The following TMCC1 variants were observed in gnomAD, a reference collection of about 807,000 sequenced individuals.
The protein encoded by TMCC1 is transmembrane and coiled-coil domain family 1, also known as transmembrane and coiled-coil domains protein 1.
TMCC1 carries 15 observed loss-of-function variants against 52.4 expected under a neutral mutation model. The observed-to-expected ratio is 0.29, with a 90% CI of 0.19 to 0.44. TMCC1 has a LOEUF of 0.44. Among genes scored for constraint, TMCC1 ranks in the 20% least tolerant of loss-of-function variants. The probability of loss-of-function intolerance (pLI) is 1.00; values close to 1 mark genes in which losing one functional copy is unlikely to be tolerated. For missense variants in TMCC1, 503 were observed against 806.0 expected, an observed-to-expected ratio of 0.62 and a Z score of 4.55; for synonymous variants, 279 against 301.9, an observed-to-expected ratio of 0.92 and a Z score of 0.79.
chr3:129,692,452 T>C (rs2047091036), intron 4 of TMCC1, among the ~76,000 whole-genome samples: 1 of 152,216 alleles, frequency 6.6e-6, no homozygotes, highest in Non-Finnish European at 1.5e-5. Context: ...TAAACATAGT[T>C]TTAAGCTTAC....
intron 4 of TMCC1, among the ~76,000 whole-genome samples, chr3:129,759,871 G>A (rs1165254972): frequency 1.3e-5 from 2 of 150,556 alleles, no homozygotes; most frequent in Non-Finnish European, 3.0e-5. Flanking sequence ...ATAGGCGCCC[G>A]CCACCACGCC....
At chr3:129,810,817 T>C (rs2057765391) in intron 4 of TMCC1, among the ~76,000 whole-genome samples, 1 of 152,114 alleles carries the variant, frequency 6.6e-6, no homozygotes, top group South Asian at 2.1e-4. Flanking sequence ...TTATAGAAAA[T>C]AACAATTCTA....
chr3:129,717,747 T>C (rs1295485595), intron 4 of TMCC1, among the ~76,000 whole-genome samples: 3 of 152,236 alleles, frequency 2.0e-5, no homozygotes, highest in African/African-American at 2.4e-5. Context: ...CTACATCTTA[T>C]AATCTTCACT....
intron 4 of TMCC1, among the ~76,000 whole-genome samples, chr3:129,754,665 T>C (rs2052833036): frequency 6.6e-6 from 1 of 152,172 alleles, no homozygotes; most frequent in Admixed American, 6.5e-5. Flanking sequence ...TCAATATGTA[T>C]CCCTGCCAAA....
chr3:129,814,738 G>C (rs986329606), intron 4 of TMCC1, among the ~76,000 whole-genome samples: 16 of 152,124 alleles, frequency 1.1e-4, no homozygotes, highest in African/African-American at 3.6e-4. Context: ...AAACAAAAAA[G>C]AGTAGAAGTA....
chr3:129,766,326 TTTCA>T (rs201966874), intron 4 of TMCC1, among the ~76,000 whole-genome samples: 20 of 152,232 alleles, frequency 1.3e-4, no homozygotes, highest in East Asian at 3.9e-4. Flanking sequence ...TTTCTGAGCA[TTTCA>T]TTCATTCATT....
intron 4 of TMCC1, among the ~76,000 whole-genome samples, chr3:129,820,720 A>G (rs1392469985): frequency 6.6e-6 from 1 of 152,246 alleles, no homozygotes; most frequent in African/African-American, 2.4e-5. Flanking sequence ...ACAATGCTCC[A>G]GCACTCTTAT....
intron 4 of TMCC1, among the ~76,000 whole-genome samples, chr3:129,787,435 G>T (rs921849901): frequency 1.3e-5 from 2 of 152,256 alleles, no homozygotes; most frequent in African/African-American, 4.8e-5. Context: ...TACCACAAGG[G>T]AAGTTGCATG....
intron 4 of TMCC1, among the ~76,000 whole-genome samples, chr3:129,707,266 T>C (rs2048319225): frequency 6.6e-6 from 1 of 152,130 alleles, no homozygotes; most frequent in South Asian, 2.1e-4. Context: ...GCATAAATCA[T>C]ATCACCTCAA....
At chr3:129,672,782 ATCACCTT>A (rs2088066308) in intron 4 of TMCC1, among the ~76,000 whole-genome samples, 1 of 152,186 alleles carries the variant, frequency 6.6e-6, no homozygotes, top group South Asian at 2.1e-4. Context: ...TATATACAAG[ATCACCTT>A]CTTCCTCATA....
intron 2 of TMCC1, among the ~76,000 whole-genome samples, chr3:129,854,718 C>G (rs1373977252): frequency 1.3e-5 from 2 of 152,202 alleles, no homozygotes; most frequent in African/African-American, 4.8e-5. Flanking sequence ...ACATCTACTC[C>G]TCCTTCAGAT....
chr3:129,654,866 T>C, intron 6 of TMCC1, 102 bp downstream of exon 6: 1 of 1,482,492 alleles, frequency 6.7e-7, no homozygotes, highest in Non-Finnish European at 9.1e-7. Context: ...GTATAAGCTT[T>C]TCTTTGTTCT....
intron 4 of TMCC1, among the ~76,000 whole-genome samples, chr3:129,810,991 T>C (rs1202710443): frequency 6.6e-6 from 1 of 152,236 alleles, no homozygotes; most frequent in African/African-American, 2.4e-5. Context: ...TATGGTAAAA[T>C]GGTTATTTAA....
At chr3:129,877,774 A>G (rs1257133622) in intron 2 of TMCC1, among the ~76,000 whole-genome samples, 2 of 148,736 alleles carry the variant, frequency 1.3e-5, no homozygotes, top group African/African-American at 5.0e-5. Context: ...AAATACAGGA[A>G]TGTGCCACCA....
At chr3:129,866,098 T>C (rs995684715) in intron 2 of TMCC1, among the ~76,000 whole-genome samples, 151 of 151,952 alleles carry the variant, frequency 9.9e-4, no homozygotes, top group African/African-American at 3.4e-3. Context: ...CCCACTATTC[T>C]GGATGCCCTG....
chr3:129,777,242 G>A lies in TMCC1; in HGVS notation c.576+50561C>T, dbSNP rs181598933. Among the ~76,000 whole-genome samples the A allele has an allele frequency of 8.1e-3, 1,238 of 152,184 alleles. 4 individuals are homozygous for A. The highest frequency in any genetic ancestry group is 0.012 in the Non-Finnish European group (805 of 68,026). ...TACAATATCTGCAATACGATAGGCC[G>A]TCAATAAATTACAGCCACTACTATA... is the stretch of plus-strand genomic sequence containing the variant. On this transcript the variant is annotated intron_variant, in intron 4 of 6. Coordinates refer to ENST00000393238, the MANE Select transcript of TMCC1 (RefSeq NM_001017395.5).
At chr3:129,688,438 C>T (rs925187563) in intron 4 of TMCC1, 19 of 985,410 alleles carry the variant, frequency 1.9e-5, no homozygotes, top group South Asian at 4.7e-5. Flanking sequence ...ACCAAAGAGC[C>T]GCAGTGAAGC....
At chr3:129,888,798 G>A (rs1180172601) in intron 1 of TMCC1, among the ~76,000 whole-genome samples, 1 of 152,152 alleles carries the variant, frequency 6.6e-6, no homozygotes, top group Non-Finnish European at 1.5e-5. Flanking sequence ...AACAAACTCT[G>A]CCTCAAGCCA....
intron 5 of TMCC1, among the ~76,000 whole-genome samples, chr3:129,657,712 AAGG>A: frequency 6.6e-6 from 1 of 152,198 alleles, no homozygotes; most frequent in East Asian, 1.9e-4. Flanking sequence ...TTGATGGGAG[AAGG>A]AGGAGTATAA....
Sources: allele counts gnomAD v4.1 joint callset (sites outside exome capture counted in the v4.1 genomes callset), GRCh38; gene constraint gnomAD v4.1.1; transcripts MANE v1.5; gene names NCBI Gene and HGNC (gene_info 2026-07-23, HGNC 2026-07-21).